ABLIM1: variants seen among roughly 807,000 people sequenced by gnomAD.
ABLIM1 encodes actin binding LIM protein 1.
Under a neutral mutation model 107.0 loss-of-function variants are expected in ABLIM1, and 40 were observed. That is an observed-to-expected ratio of 0.37 (90% confidence interval 0.29 to 0.49). The LOEUF is 0.49. ABLIM1 is among the 20% of genes least tolerant of loss of function. ABLIM1 has a pLI of 0.97. For missense variants in ABLIM1, 857 were observed against 1,008.5 expected (o/e 0.85, Z 2.04); for synonymous variants, 357 against 357.3 (o/e 1.00, Z 0.01).
chr10:114,603,305 C>A (rs1233361812), intron 1 of ABLIM1, among the ~76,000 whole-genome samples: 2 of 152,152 alleles, frequency 1.3e-5, no homozygotes, highest in African/African-American at 4.8e-5. Context: ...AGAGTTTGAA[C>A]AAGATAGTCC....
intron 1 of ABLIM1, among the ~76,000 whole-genome samples, chr10:114,656,344 A>G (rs1433867604): frequency 6.6e-6 from 1 of 151,608 alleles, no homozygotes; most frequent in South Asian, 2.1e-4. Flanking sequence ...GGACCTTAAT[A>G]TGCTGCTGGT....
intron 1 of ABLIM1, among the ~76,000 whole-genome samples, chr10:114,726,776 G>A (rs1591895929): frequency 1.3e-5 from 2 of 151,928 alleles, no homozygotes; most frequent in Middle Eastern, 3.4e-3. Context: ...GTGAGACTCC[G>A]TCTCAAAAAA....
At chr10:114,610,349 T>C (rs772850960) in intron 1 of ABLIM1, among the ~76,000 whole-genome samples, 8 of 152,200 alleles carry the variant, frequency 5.3e-5, no homozygotes, top group Non-Finnish European at 1.0e-4. Flanking sequence ...TTTGCAATCC[T>C]AAGATGCTCC....
chr10:114,532,935 G>T (rs1391431524), intron 6 of ABLIM1, among the ~76,000 whole-genome samples: 1 of 152,210 alleles, frequency 6.6e-6, no homozygotes, highest in Non-Finnish European at 1.5e-5. Flanking sequence ...GATACAAGTG[G>T]ATTAGTAGGG....
At chr10:114,781,539 T>C in the ABLIM1 span, among the ~76,000 whole-genome samples, 2 of 104,298 alleles carry the variant, frequency 1.9e-5, no homozygotes. Flanking sequence ...TGTGTGTGTA[T>C]ATATATCTAT....
At chr10:114,485,015 G>C (rs1419943961) in intron 8 of ABLIM1, among the ~76,000 whole-genome samples, 1 of 152,270 alleles carries the variant, frequency 6.6e-6, no homozygotes, top group Non-Finnish European at 1.5e-5. Context: ...GTGCTGAGCA[G>C]ATACTTGTGC....
chr10:114,716,042 G>T (rs922253350), intron 1 of ABLIM1, among the ~76,000 whole-genome samples: 1 of 152,098 alleles, frequency 6.6e-6, no homozygotes, highest in African/African-American at 2.4e-5. Flanking sequence ...ACCTTCTCCC[G>T]CTATTTGCTA....
At chr10:114,473,180 T>G in intron 9 of ABLIM1, 48 bp from the exon 10 acceptor site, 1 of 1,541,438 alleles carries the variant, frequency 6.5e-7, no homozygotes, top group Non-Finnish European at 8.8e-7. Context: ...TCTGACTGCT[T>G]TAGGAAACTG....
At chr10:114,777,716 C>G in the ABLIM1 span, among the ~76,000 whole-genome samples, 1 of 152,310 alleles carries the variant, frequency 6.6e-6, no homozygotes, top group East Asian at 1.9e-4. Context: ...CAAGCCAGCC[C>G]CACGCAAGCA....
Position 114,434,991 on chromosome 10 carries a change from A to C in ABLIM1, c.*1269T>G, listed in dbSNP as rs1320427175. The C allele has an allele frequency of 1.3e-5, 2 of 152,184 alleles. No individual in the cohort carries two copies. The highest frequency in any genetic ancestry group is 4.8e-5 in the African/African-American group (2 of 41,436). 9.4% of individuals were successfully genotyped at this position (152,184 alleles called of 1,614,324 possible). A position where few individuals can be genotyped will look rare whatever the true frequency, so the allele number is the denominator to read the frequency against. On this transcript the variant is annotated 3_prime_UTR_variant, in exon 23 of 23. Transcript: ENST00000533213. ...CTTTGAGTCACACACACTCGGTGAC[A>C]ATGTCTTTAGAAGCTGCAACACAGC...
rs543361680 is a variant in ABLIM1 at position 114,627,760 on chromosome 10, T to C, written c.245-25799A>G. Among the ~76,000 whole-genome samples the C allele has an allele frequency of 7.9e-5, 12 of 152,344 alleles. No homozygotes were observed. In the South Asian group the frequency reaches 2.5e-3, roughly 32 times the overall value. On this transcript the variant is annotated intron_variant, in intron 1 of 22. Coordinates refer to ENST00000533213, the MANE Select transcript of ABLIM1 (RefSeq NM_002313.7). ...CTGTAGCTTTATTATTTGAAGCATC[T>C]GTTTCTGCCAAAAGCTAAATGGCAT...
At chr10:114,714,928 C>T (rs1156460339) in intron 1 of ABLIM1, among the ~76,000 whole-genome samples, 1 of 152,068 alleles carries the variant, frequency 6.6e-6, no homozygotes, top group Non-Finnish European at 1.5e-5. Flanking sequence ...CTCCCTTGTC[C>T]CATTCCATCT....
intron 6 of ABLIM1, among the ~76,000 whole-genome samples, chr10:114,521,298 C>T (rs1004167550): frequency 1.3e-5 from 2 of 152,202 alleles, no homozygotes; most frequent in African/African-American, 4.8e-5. Flanking sequence ...TCGGCAACTG[C>T]TCTGGGCCTC....
chr10:114,688,994 G>A (rs1181497815), upstream of ABLIM1, among the ~76,000 whole-genome samples: 1 of 152,148 alleles, frequency 6.6e-6, no homozygotes, highest in East Asian at 1.9e-4. Flanking sequence ...TCATTTTTCT[G>A]AGTCACATTC....
intron 18 of ABLIM1, 21 bp downstream of exon 18, chr10:114,441,701 T>C (rs763088960): frequency 1.2e-6 from 2 of 1,607,348 alleles, no homozygotes; most frequent in Non-Finnish European, 1.7e-6. Context: ...GCAGAAACAA[T>C]GAATCGGGGA....
chr10:114,684,240 G>C, intron 1 of ABLIM1: 1 of 1,562,804 alleles, frequency 6.4e-7, no homozygotes, highest in Non-Finnish European at 8.7e-7. Context: ...TAAAGACACG[G>C]TCGACCCCAG....
At chr10:114,556,422 C>G (rs1211515580) in intron 4 of ABLIM1, among the ~76,000 whole-genome samples, 1 of 152,186 alleles carries the variant, frequency 6.6e-6, no homozygotes, top group Non-Finnish European at 1.5e-5. Context: ...TAGTTCCAGT[C>G]GGCAAGGGTT....
intron 14 of ABLIM1, among the ~76,000 whole-genome samples, chr10:114,449,806 A>G (rs951952773): frequency 6.6e-6 from 1 of 152,244 alleles, no homozygotes; most frequent in Non-Finnish European, 1.5e-5. Flanking sequence ...CACAGACACC[A>G]GTTTTGGGCA....
chr10:114,527,408 T>C (rs1355634336), intron 6 of ABLIM1, among the ~76,000 whole-genome samples: 2 of 152,228 alleles, frequency 1.3e-5, no homozygotes, highest in Non-Finnish European at 2.9e-5. Context: ...TTTTGTATTG[T>C]GTGTTTTTAA....
Sources: allele counts gnomAD v4.1 joint callset (sites outside exome capture counted in the v4.1 genomes callset), GRCh38; gene constraint gnomAD v4.1.1; transcripts MANE v1.5; gene names NCBI Gene and HGNC (gene_info 2026-07-23, HGNC 2026-07-21).